Variants in SLC4A10 observed in about 807,000 individuals in gnomAD.
The protein encoded by SLC4A10 is sodium-driven chloride bicarbonate exchanger.
SLC4A10 carries 42 observed loss-of-function variants against 137.7 expected under a neutral mutation model. The observed-to-expected ratio is 0.30, with a 90% CI of 0.24 to 0.39. SLC4A10 has a LOEUF of 0.39. Ranked by LOEUF, SLC4A10 falls within the 10% of genes least tolerant of loss-of-function variation. SLC4A10 has a pLI of 1.00. For synonymous variants in SLC4A10, 474 were observed against 464.1 expected (o/e 1.02, Z -0.27); for missense variants, 925 against 1,355.0 (o/e 0.68, Z 4.98).
chr2:161,777,186 T>C (rs2052454287), intron 2 of SLC4A10, among the ~76,000 whole-genome samples: 3 of 151,618 alleles, frequency 2.0e-5, no homozygotes, highest in Non-Finnish European at 4.4e-5. Context: ...AAATTTTTAA[T>C]TATTATAGGT....
chr2:161,687,470 T>C (rs2041559381), intron 1 of SLC4A10, among the ~76,000 whole-genome samples: 1 of 152,220 alleles, frequency 6.6e-6, no homozygotes, highest in African/African-American at 2.4e-5. Context: ...AATCACAGCG[T>C]AATTCAGCCA....
At chr2:161,816,095 A>T (rs1466890679) in intron 3 of SLC4A10, among the ~76,000 whole-genome samples, 1 of 150,776 alleles carries the variant, frequency 6.6e-6, no homozygotes, top group African/African-American at 2.5e-5. Flanking sequence ...ACACACAGAG[A>T]CTTCAACCAA....
chr2:161,638,823 G>A (rs796838057), intron 1 of SLC4A10, among the ~76,000 whole-genome samples: 10 of 151,450 alleles, frequency 6.6e-5, no homozygotes, highest in African/African-American at 1.9e-4. Context: ...TTATTTTAGA[G>A]ATCTTTCATC....
chr2:161,919,658 C>T (rs1687772205), intron 15 of SLC4A10, among the ~76,000 whole-genome samples: 1 of 152,162 alleles, frequency 6.6e-6, no homozygotes, highest in Admixed American at 6.5e-5. Context: ...TAAAGCCCCT[C>T]TTCATCTTGT....
intron 1 of SLC4A10, among the ~76,000 whole-genome samples, chr2:161,707,583 T>A (rs1161978518): frequency 6.6e-6 from 1 of 151,360 alleles, no homozygotes; most frequent in African/African-American, 2.4e-5. Flanking sequence ...GAACACTTTA[T>A]CAATCTTAAA....
rs571285058 is a variant in SLC4A10, at chr2:161,821,235, AT to A, written c.277+16647del. Among the ~76,000 whole-genome samples the A allele has an allele frequency of 1.8e-4, 28 of 152,220 alleles. No homozygotes were observed. In the East Asian group the frequency reaches 5.2e-3, roughly 28 times the overall value. On this transcript the variant is annotated intron_variant, in intron 3 of 26. Coordinates refer to ENST00000446997, the MANE Select transcript of SLC4A10 (RefSeq NM_001178015.2). ...GTTCTGATTTCACTCTCATAATGGT[AT>A]TTTTTTGATGTGGCTACAGATTCCA... is the stretch of plus-strand genomic sequence containing the variant.
At chr2:161,782,213 G>A (rs564251996) in intron 2 of SLC4A10, among the ~76,000 whole-genome samples, 4 of 151,988 alleles carry the variant, frequency 2.6e-5, no homozygotes, top group Non-Finnish European at 5.9e-5. Flanking sequence ...CCAAAGGATT[G>A]GCTGAAATCC....
rs189324044 is a variant in SLC4A10 at position 161,688,847 on chromosome 2, G to A, written c.48+64281G>A. On this transcript the variant is annotated intron_variant, in intron 1 of 26. Coordinates refer to ENST00000446997, the MANE Select transcript of SLC4A10 (RefSeq NM_001178015.2). ...CAAATGTTTCGGTCATTGAAGGACT[G>A]CATATACCACAGTGGTTCCATAAGA... Among the ~76,000 whole-genome samples, 12 of 152,210 alleles carry A rather than the reference G, an allele frequency of 7.9e-5. No individual in the cohort carries two copies. In the East Asian group the frequency reaches 1.9e-3, roughly 25 times the overall value.
intron 15 of SLC4A10, among the ~76,000 whole-genome samples, chr2:161,913,213 T>C (rs1686278793): frequency 6.6e-6 from 1 of 152,186 alleles, no homozygotes; most frequent in African/African-American, 2.4e-5. Context: ...TGTGACATCA[T>C]CCAGCTTCTT....
chr2:161,978,384 C>CAA (rs61399867), intron 26 of SLC4A10, among the ~76,000 whole-genome samples: 6,703 of 90,466 alleles, frequency 0.074, 557 homozygotes, highest in South Asian at 0.23. Context: ...GAGACTCTGT[C>CAA]AAAAAAAAAA....
intron 12 of SLC4A10, among the ~76,000 whole-genome samples, chr2:161,901,666 C>T (rs1334744149): frequency 6.6e-6 from 1 of 151,314 alleles, no homozygotes; most frequent in Admixed American, 6.6e-5. Flanking sequence ...AGGATTGGTG[C>T]TCCCCTCCCC....
chr2:161,970,104 T>C (rs188307515), intron 23 of SLC4A10, among the ~76,000 whole-genome samples: 20 of 152,320 alleles, frequency 1.3e-4, no homozygotes, highest in African/African-American at 4.3e-4. Context: ...ATTCTGGTGC[T>C]AAAGTTTGAG....
At chr2:161,802,960 A>T (rs2055530613) in intron 2 of SLC4A10, among the ~76,000 whole-genome samples, 1 of 152,036 alleles carries the variant, frequency 6.6e-6, no homozygotes, top group African/African-American at 2.4e-5. Context: ...TTAAAATATA[A>T]ACCTCGGGGG....
At chr2:161,641,607 A>G (rs1396876393) in intron 1 of SLC4A10, among the ~76,000 whole-genome samples, 1 of 152,094 alleles carries the variant, frequency 6.6e-6, no homozygotes, top group African/African-American at 2.4e-5. Context: ...ATATAGTAGT[A>G]CTTTCTATTT....
chr2:161,788,324 T>C (rs2053849717), intron 2 of SLC4A10, among the ~76,000 whole-genome samples: 1 of 152,196 alleles, frequency 6.6e-6, no homozygotes, highest in Non-Finnish European at 1.5e-5. Context: ...ACTAGTACTA[T>C]ACCCTTCTGA....
At chr2:161,754,039 G>A (rs1369790174) in intron 1 of SLC4A10, among the ~76,000 whole-genome samples, 1 of 151,840 alleles carries the variant, frequency 6.6e-6, no homozygotes, top group Non-Finnish European at 1.5e-5. Flanking sequence ...ATAGGTATGT[G>A]CCACCACACT....
At chr2:161,626,734 A>T (rs1056956650) in intron 1 of SLC4A10, among the ~76,000 whole-genome samples, 1 of 152,154 alleles carries the variant, frequency 6.6e-6, no homozygotes, top group Non-Finnish European at 1.5e-5. Flanking sequence ...CATGTCTAAG[A>T]TCACCCAGTG....
intron 15 of SLC4A10, among the ~76,000 whole-genome samples, chr2:161,918,924 C>G (rs1687630723): frequency 6.6e-6 from 1 of 152,196 alleles, no homozygotes; most frequent in Non-Finnish European, 1.5e-5. Context: ...CCTGGTGCAA[C>G]TGCAGCTGCC....
chr2:161,947,787 T>G, intron 17 of SLC4A10, 60 bp downstream of exon 17: 3 of 1,544,870 alleles, frequency 1.9e-6, no homozygotes, highest in Non-Finnish European at 2.6e-6. Context: ...AAAGAGTAAT[T>G]GATGTAATAA....
Sources: allele counts gnomAD v4.1 joint callset (sites outside exome capture counted in the v4.1 genomes callset), GRCh38; gene constraint gnomAD v4.1.1; transcripts MANE v1.5; gene names NCBI Gene and HGNC (gene_info 2026-07-23, HGNC 2026-07-21).